Variants in PCDH9 observed in about 807,000 individuals in gnomAD.
PCDH9 encodes the protein protocadherin 9, also known as protocadherin-9.
A neutral mutation model predicts 70.6 loss-of-function variants in PCDH9; 24 were observed. The observed-to-expected ratio is 0.34, with a 90% CI of 0.25 to 0.48. The LOEUF (loss-of-function observed/expected upper bound fraction) is 0.48. Ranked by LOEUF, PCDH9 falls within the 20% of genes least tolerant of loss-of-function variation. The pLI, the probability that PCDH9 is intolerant of heterozygous loss-of-function variation, is 0.99. For synonymous variants in PCDH9, 562 were observed against 558.5 expected, an observed-to-expected ratio of 1.01 and a Z score of -0.09; for missense variants, 1,281 against 1,503.6, an observed-to-expected ratio of 0.85 and a Z score of 2.45.
intron 3 of PCDH9, among the ~76,000 whole-genome samples, chr13:66,745,827 A>G (rs1483116560): frequency 2.0e-5 from 3 of 152,148 alleles, no homozygotes; most frequent in Admixed American, 2.0e-4. Context: ...GTGAGTGGCT[A>G]GTGTTTAGCT....
rs191600096 is a variant in PCDH9 at position 67,121,689 on chromosome 13, A to G, written c.3036+103716T>C. ...AATAGAATTTTCTTGATGCAAAATC[A>G]TATGACAATGGCTATGTCTGTAAGA... On this transcript the variant is annotated intron_variant, in intron 2 of 4. Transcript: ENST00000377865. Among the ~76,000 whole-genome samples the G allele has an allele frequency of 5.9e-5, 9 of 152,346 alleles. No individual in the cohort carries two copies. In the East Asian group the frequency reaches 1.7e-3, roughly 29 times the overall value.
intron 4 of PCDH9, among the ~76,000 whole-genome samples, chr13:66,420,982 G>A (rs936524033): frequency 9.2e-5 from 14 of 151,942 alleles, no homozygotes; most frequent in African/African-American, 3.1e-4. Context: ...GTATAGACAA[G>A]AACATAAATG....
intron 3 of PCDH9, among the ~76,000 whole-genome samples, chr13:66,804,351 C>A (rs2080377859): frequency 6.6e-6 from 1 of 152,162 alleles, no homozygotes; most frequent in South Asian, 2.1e-4. Context: ...GAAGAGGAGA[C>A]TGGTCATTTG....
At chr13:66,610,850 T>G (rs1341194076) in intron 4 of PCDH9, among the ~76,000 whole-genome samples, 3 of 152,156 alleles carry the variant, frequency 2.0e-5, no homozygotes, top group African/African-American at 7.2e-5. Context: ...TTTTTTTAAG[T>G]CTGTGCTTGT....
At chr13:66,629,567 T>C (rs182728700) in intron 4 of PCDH9, among the ~76,000 whole-genome samples, 28 of 152,334 alleles carry the variant, frequency 1.8e-4, no homozygotes, top group Admixed American at 1.2e-3. Context: ...GTTCTTGTTC[T>C]CCCAAATTCA....
intron 2 of PCDH9, among the ~76,000 whole-genome samples, chr13:66,928,439 T>G (rs1469323374): frequency 6.6e-6 from 1 of 152,102 alleles, no homozygotes; most frequent in Non-Finnish European, 1.5e-5. Context: ...GTTGTGAAAA[T>G]GGAAGCTCAG....
intron 3 of PCDH9, among the ~76,000 whole-genome samples, chr13:66,773,136 G>A (rs183633291): frequency 3.0e-4 from 45 of 152,268 alleles, no homozygotes; most frequent in African/African-American, 1.0e-3. Flanking sequence ...ATGTATAACT[G>A]TTTCCATCAC....
At chr13:66,359,557 G>A (rs944002917) in intron 4 of PCDH9, among the ~76,000 whole-genome samples, 4 of 151,942 alleles carry the variant, frequency 2.6e-5, no homozygotes, top group African/African-American at 7.2e-5. Flanking sequence ...AAAAAGTATT[G>A]CTAGCTGTAA....
At chr13:66,604,416 G>A (rs529063233) in intron 4 of PCDH9, among the ~76,000 whole-genome samples, 48 of 152,122 alleles carry the variant, frequency 3.2e-4, no homozygotes, top group African/African-American at 1.0e-3. Flanking sequence ...TCATTCTGAG[G>A]ATGAGGCAAA....
intron 3 of PCDH9, among the ~76,000 whole-genome samples, chr13:66,818,201 C>T (rs2080642823): frequency 6.6e-6 from 1 of 152,120 alleles, no homozygotes; most frequent in Non-Finnish European, 1.5e-5. Flanking sequence ...TTCCTTTCTC[C>T]TAGCCATGGG....
intron 3 of PCDH9, among the ~76,000 whole-genome samples, chr13:66,633,030 A>G (rs928738336): frequency 6.6e-6 from 1 of 152,152 alleles, no homozygotes; most frequent in African/African-American, 2.4e-5. Context: ...GTATGAATGC[A>G]TACTTATAGA....
chr13:66,632,291 C>T (rs1040134107), intron 3 of PCDH9, among the ~76,000 whole-genome samples: 5 of 152,240 alleles, frequency 3.3e-5, no homozygotes, highest in East Asian at 1.9e-4. Context: ...GTCTCAGGAT[C>T]GACTGACTGA....
chr13:67,208,572 G>A (rs2089404175), intron 2 of PCDH9: 1 of 152,198 alleles, frequency 6.6e-6, no homozygotes. Flanking sequence ...GATATAGGCA[G>A]TGATTAAAAC....
At chr13:66,491,651 C>T (rs961019770) in intron 4 of PCDH9, among the ~76,000 whole-genome samples, 1 of 152,036 alleles carries the variant, frequency 6.6e-6, no homozygotes, top group African/African-American at 2.4e-5. Context: ...AACTTGTACA[C>T]TGTATCATGT....
At chr13:67,186,027 T>C (rs1460713428) in intron 2 of PCDH9, among the ~76,000 whole-genome samples, 2 of 152,174 alleles carry the variant, frequency 1.3e-5, no homozygotes. Flanking sequence ...CCACTGTGCC[T>C]GACCCTGCAA....
chr13:66,793,765 T>C (rs563112366), intron 3 of PCDH9, among the ~76,000 whole-genome samples: 22 of 152,326 alleles, frequency 1.4e-4, no homozygotes, highest in African/African-American at 5.3e-4. Context: ...TTAACATCTG[T>C]TGTGCTTGAT....
chr13:66,798,967 C>T (rs887077982), intron 3 of PCDH9, among the ~76,000 whole-genome samples: 1 of 151,902 alleles, frequency 6.6e-6, no homozygotes, highest in African/African-American at 2.4e-5. Flanking sequence ...GCGCGTGCCA[C>T]CAGGTCCAGT....
At chr13:66,983,616 C>T (rs2083822780) in intron 2 of PCDH9, among the ~76,000 whole-genome samples, 1 of 152,126 alleles carries the variant, frequency 6.6e-6, no homozygotes, top group South Asian at 2.1e-4. Context: ...CAAATTAAAA[C>T]ACAAGTATGT....
At chr13:67,044,086 T>C (rs1386178566) in intron 2 of PCDH9, among the ~76,000 whole-genome samples, 1 of 152,052 alleles carries the variant, frequency 6.6e-6, no homozygotes, top group African/African-American at 2.4e-5. Context: ...ATGGGGGTTG[T>C]CTTGGAAGAC....
Sources: allele counts gnomAD v4.1 joint callset (sites outside exome capture counted in the v4.1 genomes callset), GRCh38; gene constraint gnomAD v4.1.1; transcripts MANE v1.5; gene names NCBI Gene and HGNC (gene_info 2026-07-23, HGNC 2026-07-21).